Variants in MLYCD observed in about 807,000 individuals in gnomAD.
MLYCD encodes malonyl-CoA decarboxylase, mitochondrial.
MLYCD carries 27 observed loss-of-function variants against 35.8 expected under a neutral mutation model. That is an observed-to-expected ratio of 0.75 (90% confidence interval 0.56 to 1.04). The LOEUF is 1.04. Among genes scored for constraint, MLYCD ranks in the 50% least tolerant of loss-of-function variants. The probability of loss-of-function intolerance (pLI) is 0.00; values close to 1 mark genes in which losing one functional copy is unlikely to be tolerated. For missense variants in MLYCD, 917 were observed against 665.1 expected (o/e 1.38, Z -4.17); for synonymous variants, 403 against 302.4 (o/e 1.33, Z -3.45).
intron 3 of MLYCD, among the ~76,000 whole-genome samples, chr16:83,911,432 C>T (rs1307741724): frequency 6.6e-6 from 1 of 152,204 alleles, no homozygotes; most frequent in African/African-American, 2.4e-5. Flanking sequence ...AGCTGGTTTC[C>T]CTGCTTCAAA....
intron 3 of MLYCD, among the ~76,000 whole-genome samples, chr16:83,909,690 C>A (rs536452984): frequency 5.4e-5 from 8 of 148,764 alleles, no homozygotes; most frequent in Non-Finnish European, 8.9e-5. Flanking sequence ...GGTGCTGTCT[C>A]GGCTCACTGC....
At chr16:83,911,322 A>G (rs3826133) in intron 3 of MLYCD, among the ~76,000 whole-genome samples, 10,901 of 152,316 alleles carry the variant, frequency 0.072, 463 homozygotes, top group East Asian at 0.11. Context: ...TGGACTGACT[A>G]CGAGACCTCA....
rs1907681118 is a variant in MLYCD, at chr16:83,922,321, ATCAGATGCT to A, written c.*6833_*6841del. The stretch of plus-strand genomic sequence containing the variant: ...TCTCTTGGAGCCCTGTCATCTGTGG[ATCAGATGCT>A]CCCCAGCTCCCTCCATCCCACCCAC... On this transcript the variant is annotated 3_prime_UTR_variant, in exon 5 of 5. Transcript: ENST00000262430. The A allele has an allele frequency of 6.6e-6, 1 of 152,010 alleles. No individual in the cohort carries two copies. Among genetic ancestry groups the A allele is most frequent in the African/African-American group, 2.4e-5 (1 of 41,370 alleles). The allele number at this position is 152,010 out of a possible 1,614,324, so 9.4% of individuals were successfully genotyped here.
rs1040820336 is a variant in MLYCD, at chr16:83,923,058, C to T, written c.*7569C>T. On this transcript the variant is annotated 3_prime_UTR_variant, in exon 5 of 5. Coordinates refer to ENST00000262430, the MANE Select transcript of MLYCD (RefSeq NM_012213.3). ...TGAACTCCCTGTGGTCACTCTGAGG[C>T]CTCTCTGTCTCTCTGTGTCTTTCTC... 1.3e-5 allele frequency: 2 copies of T among 152,270 alleles called. No homozygotes were observed. The highest frequency in any genetic ancestry group is 4.8e-5 in the African/African-American group (2 of 41,450). 9.4% of individuals were successfully genotyped at this position (152,270 alleles called of 1,614,324 possible).
rs200080562 is a variant in MLYCD, at chr16:83,908,122, C to G, written c.642-4C>G. 24 of 1,614,100 alleles carry G rather than the reference C, an allele frequency of 1.5e-5. No individual in the cohort carries two copies. Among genetic ancestry groups the G allele is most frequent in the Non-Finnish European group, 1.9e-5 (23 of 1,180,038 alleles). On this transcript the variant is annotated splice_polypyrimidine_tract_variant and splice_region_variant and intron_variant, in intron 2 of 4. Transcript: ENST00000262430. ...GTCTTGTCTCTTTATAAATTCCGCC[C>G]CAGGGCTGAGGCTGTGCATCCTGTA...
In MLYCD at chr16:83,899,510, G is replaced by C. The variant is rs1341030109; in HGVS notation, c.366G>C (p.Leu122=). The C allele has an allele frequency of 4.4e-6, 7 of 1,584,504 alleles. No individual in the cohort carries two copies. Among genetic ancestry groups the C allele is most frequent in the Non-Finnish European group, 6.0e-6 (7 of 1,174,462 alleles). The change falls in exon 1 of 5, where the codon CTG becomes CTC. Residue 122 remains leucine (L), a synonymous_variant. Transcript: ENST00000262430. ...LRQQQREAAV[L]LQAEDRLRYA... is the part of the protein sequence containing the mutation. ...AGCAGCAGCGGGAGGCGGCGGTGCTGCTGCAGGCCGAGGACCGGCTGCGCT... is the reference window on the plus strand; with the variant it reads ...AGCAGCAGCGGGAGGCGGCGGTGCTCCTGCAGGCCGAGGACCGGCTGCGCT...
chr16:83,904,073 G>C (rs539376351), intron 1 of MLYCD, among the ~76,000 whole-genome samples: 3 of 152,294 alleles, frequency 2.0e-5, no homozygotes, highest in East Asian at 3.9e-4. Context: ...TTTTGTAGCT[G>C]TCAGGAGCCC....
In MLYCD at chr16:83,917,133, T is replaced by TC. The variant is rs577916881; in HGVS notation, c.*1644_*1645insC. 18 of 78,026 alleles carry TC rather than the reference T, an allele frequency of 2.3e-4. No homozygotes were observed. Among genetic ancestry groups the TC allele is most frequent in the African/African-American group, 9.5e-4 (17 of 17,978 alleles). 4.8% of individuals were successfully genotyped at this position (78,026 alleles called of 1,614,324 possible). A position where few individuals can be genotyped will look rare whatever the true frequency, so the allele number is the denominator to read the frequency against. ...ACGTCTGTGTGCGTGTGCACGAGCG[T>TC]TCTATGTGGATCAGTGCACGCCTGT... is the stretch of plus-strand genomic sequence containing the variant. On this transcript the variant is annotated 3_prime_UTR_variant, in exon 5 of 5. Coordinates refer to ENST00000262430, the MANE Select transcript of MLYCD (RefSeq NM_012213.3).
rs1907463644 is a variant in MLYCD at position 83,917,501 on chromosome 16, G to A, written c.*2012G>A. On this transcript the variant is annotated 3_prime_UTR_variant, in exon 5 of 5. Transcript: ENST00000262430. ...TCACCTTCCTTGCCTTTCATCTCCT[G>A]TGACCCTCGCCAGGCCCCTTCTCTG... 6.5e-6 allele frequency: 1 copy of A among 154,418 alleles called. No homozygotes were observed. Among genetic ancestry groups the A allele is most frequent in the African/African-American group, 2.4e-5 (1 of 41,516 alleles). 9.6% of individuals were successfully genotyped at this position (154,418 alleles called of 1,614,324 possible).
rs530081400 is a variant in MLYCD, at chr16:83,918,814, A to G, written c.*3325A>G. ...AGGAGAATACGCACACACAGTGCAC[A>G]GAACACAGACACAGTACACAGGAGA... On this transcript the variant is annotated 3_prime_UTR_variant, in exon 5 of 5. Coordinates refer to ENST00000262430, the MANE Select transcript of MLYCD (RefSeq NM_012213.3). The G allele has an allele frequency of 4.0e-5, 6 of 150,278 alleles. No homozygotes were observed. In the East Asian group the frequency reaches 1.0e-3, roughly 25 times the overall value. 9.3% of individuals were successfully genotyped at this position (150,278 alleles called of 1,614,324 possible).
intron 1 of MLYCD, among the ~76,000 whole-genome samples, chr16:83,903,980 C>G (rs928920701): frequency 2.0e-5 from 3 of 152,168 alleles, no homozygotes; most frequent in African/African-American, 7.2e-5. Context: ...CCAGCCTGAA[C>G]AGCTGCTGCC....
chr16:83,916,665 T>C lies in MLYCD; in HGVS notation c.*1176T>C, dbSNP rs567418625. The stretch of plus-strand genomic sequence containing the variant: ...GTGCGTGTGCACGAGCATCTCTGTG[T>C]GTGTCAGTGCACGTCTGTGTGCGTG... On this transcript the variant is annotated 3_prime_UTR_variant, in exon 5 of 5. Coordinates refer to ENST00000262430, the MANE Select transcript of MLYCD (RefSeq NM_012213.3). 1,786 of 131,098 alleles carry C rather than the reference T, an allele frequency of 0.014. 36 individuals carry two copies. The highest frequency in any genetic ancestry group is 0.018 in the Admixed American group (241 of 13,592). 8.1% of individuals were successfully genotyped at this position (131,098 alleles called of 1,614,324 possible).
chr16:83,899,741 C>G (rs985261964), intron 1 of MLYCD, 69 bp downstream of exon 1: 3 of 1,423,038 alleles, frequency 2.1e-6, no homozygotes, highest in Middle Eastern at 2.5e-4. Flanking sequence ...CTCACTTGCC[C>G]CCTCCAAGTC....
chr16:83,902,644 T>A (rs953310736), intron 1 of MLYCD, among the ~76,000 whole-genome samples: 5 of 151,858 alleles, frequency 3.3e-5, no homozygotes, highest in Admixed American at 1.3e-4. Flanking sequence ...TAGCTGGGAA[T>A]ACAGGTGCTT....
intron 1 of MLYCD, among the ~76,000 whole-genome samples, chr16:83,902,231 AT>A (rs1349135977): frequency 5.1e-5 from 6 of 116,780 alleles, no homozygotes; most frequent in African/African-American, 1.9e-4. Context: ...GTTTGTGTTT[AT>A]TTTTTTGTTC....
At position 83,918,099 on chromosome 16, in the gene MLYCD, G is replaced by C. The variant is rs762071848; in HGVS notation, c.*2610G>C. The C allele has an allele frequency of 4.6e-5, 7 of 152,262 alleles. No individual in the cohort carries two copies. Among genetic ancestry groups the C allele is most frequent in the African/African-American group, 9.6e-5 (4 of 41,466 alleles). 9.4% of individuals were successfully genotyped at this position (152,262 alleles called of 1,614,324 possible). ...AAATCCATTTTACTATTGCGGCCAA[G>C]GAGCCCTCCCTCCAGCAAGGCGGCT... On this transcript the variant is annotated 3_prime_UTR_variant, in exon 5 of 5. Transcript: ENST00000262430.
At chr16:83,903,414 C>T (rs1906867764) in intron 1 of MLYCD, among the ~76,000 whole-genome samples, 1 of 152,196 alleles carries the variant, frequency 6.6e-6, no homozygotes, top group Admixed American at 6.5e-5. Context: ...GGAGTGTCAG[C>T]TTACGTGAGT....
intron 3 of MLYCD, among the ~76,000 whole-genome samples, chr16:83,908,593 A>G (rs1406201608): frequency 6.6e-6 from 1 of 152,178 alleles, no homozygotes; most frequent in Non-Finnish European, 1.5e-5. Flanking sequence ...AAGAAGGGAC[A>G]GATACCTGAT....
In MLYCD at chr16:83,916,607, C is replaced by G. The variant is rs532390225; in HGVS notation, c.*1118C>G. 1 of 130,872 alleles carries G rather than the reference C, an allele frequency of 7.6e-6. No individual in the cohort carries two copies. The highest frequency in any genetic ancestry group is 1.6e-5 in the Non-Finnish European group (1 of 62,976). 8.1% of individuals were successfully genotyped at this position (130,872 alleles called of 1,614,324 possible). On this transcript the variant is annotated 3_prime_UTR_variant, in exon 5 of 5. Coordinates refer to ENST00000262430, the MANE Select transcript of MLYCD (RefSeq NM_012213.3). ...CAGTGCACGTCTGTGTGCGTGTGCA[C>G]GAGCGTCTCTGTGTGGATCAGTGCA... is the stretch of plus-strand genomic sequence containing the variant.
Sources: gnomAD v4.1 joint callset for allele counts (sites outside exome capture counted in the v4.1 genomes callset) on GRCh38, gnomAD v4.1.1 for gene constraint, MANE v1.5 for transcripts, NCBI Gene and HGNC (gene_info 2026-07-23, HGNC 2026-07-21) for gene names.